RPGRIP1L: variants seen among roughly 807,000 people sequenced by gnomAD.
RPGRIP1L encodes the protein protein fantom.
Under a neutral mutation model 160.4 loss-of-function variants are expected in RPGRIP1L, and 131 were observed. That is an observed-to-expected ratio of 0.82 (90% CI 0.71 to 0.94). The LOEUF (loss-of-function observed/expected upper bound fraction) is 0.94. Ranked by LOEUF, RPGRIP1L falls within the 40% of genes least tolerant of loss-of-function variation. RPGRIP1L has a pLI of 0.00. For missense variants in RPGRIP1L, 1,522 were observed against 1,535.8 expected, an observed-to-expected ratio of 0.99 and a Z score of 0.15; for synonymous variants, 510 against 515.8, an observed-to-expected ratio of 0.99 and a Z score of 0.15.
chr16:53,636,497 G>A lies in RPGRIP1L; in HGVS notation c.3236C>T (p.Ser1079Leu), dbSNP rs777328680. The change falls in exon 22 of 27, where the codon TCA (serine) becomes TTA (leucine). Residue 1079 changes from serine (S) to leucine (L), a missense_variant. Coordinates refer to ENST00000647211, the MANE Select transcript of RPGRIP1L (RefSeq NM_015272.5). ...DLEPEVEEDM[S>L]ASDSDDCIIP... ...AATACAGTCATCACTGTCAGAAGCT[G>A]ACATGTCCTCTTCAACTGTTTAAAA... The A allele has an allele frequency of 6.2e-7, 1 of 1,611,520 alleles. No homozygotes were observed. Among genetic ancestry groups the A allele is most frequent in the East Asian group, 2.2e-5 (1 of 44,742 alleles).
rs750076702 is a variant in RPGRIP1L at position 53,658,475 on chromosome 16, T to C, written c.1351-11A>G. The stretch of plus-strand genomic sequence containing the variant: ...ATTAATATCATTCTCCTGCAATAGA[T>C]TAAGTAAAAGCTCACAATGAGTTAT... On this transcript the variant is annotated splice_polypyrimidine_tract_variant and intron_variant, in intron 11 of 26. Transcript: ENST00000647211. The C allele has an allele frequency of 5.0e-6, 8 of 1,597,522 alleles. No homozygotes were observed. The East Asian group carries it at 1.1e-4, about 22-fold the overall frequency.
At chr16:53,648,143 T>C (rs1394274211) in intron 16 of RPGRIP1L, among the ~76,000 whole-genome samples, 1 of 150,020 alleles carries the variant, frequency 6.7e-6, no homozygotes, top group African/African-American at 2.4e-5. Flanking sequence ...ATGTTATATA[T>C]GAGAACTCCT....
intron 24 of RPGRIP1L, among the ~76,000 whole-genome samples, chr16:53,618,755 C>T (rs1964533146): frequency 6.6e-6 from 1 of 152,024 alleles, no homozygotes; most frequent in African/African-American, 2.4e-5. Context: ...CCGTGTAGCC[C>T]AGGCTGGTCT....
intron 13 of RPGRIP1L, 123 bp from the exon 14 acceptor site, chr16:53,656,712 C>T (rs1967289901): frequency 3.9e-6 from 3 of 759,874 alleles, no homozygotes; most frequent in Admixed American, 1.9e-5. Context: ...ACCATGGTTT[C>T]CTGACCTCAA....
intron 17 of RPGRIP1L, among the ~76,000 whole-genome samples, chr16:53,642,828 A>C (rs1966320384): frequency 6.6e-6 from 1 of 152,156 alleles, no homozygotes. Context: ...GTGGAGCAAA[A>C]TATAGATAAT....
chr16:53,622,164 A>G (rs1964770087), intron 23 of RPGRIP1L, 55 bp downstream of exon 23: 6 of 536,390 alleles, frequency 1.1e-5, no homozygotes, highest in South Asian at 7.3e-5. Context: ...GGAGTTTGAG[A>G]CCAGCATGGC....
intron 15 of RPGRIP1L, among the ~76,000 whole-genome samples, chr16:53,650,442 A>G (rs536934846): frequency 8.0e-4 from 122 of 152,314 alleles, no homozygotes; most frequent in African/African-American, 2.8e-3. Context: ...AGATCTTTCA[A>G]GCTGGGTGTA....
intron 22 of RPGRIP1L, among the ~76,000 whole-genome samples, chr16:53,623,687 C>A (rs1249352069): frequency 1.3e-5 from 2 of 152,136 alleles, no homozygotes; most frequent in African/African-American, 4.8e-5. Flanking sequence ...TTGGTTGTTT[C>A]CTCCTCTGGG....
intron 6 of RPGRIP1L, among the ~76,000 whole-genome samples, chr16:53,680,889 A>C (rs1969556130): frequency 6.6e-6 from 1 of 152,176 alleles, no homozygotes; most frequent in Non-Finnish European, 1.5e-5. Context: ...TGTTGAGAGA[A>C]GAAAACAGGC....
At chr16:53,651,800 G>A (rs1255723820) in intron 15 of RPGRIP1L, among the ~76,000 whole-genome samples, 1 of 151,964 alleles carries the variant, frequency 6.6e-6, no homozygotes, top group Non-Finnish European at 1.5e-5. Context: ...ATTTACCACT[G>A]ACCACCATAT....
chr16:53,625,522 G>C (rs1302048590), intron 22 of RPGRIP1L, among the ~76,000 whole-genome samples: 3 of 148,484 alleles, frequency 2.0e-5, no homozygotes, highest in East Asian at 4.0e-4. Context: ...TAGGGGGTGA[G>C]GGGGGGGCGC....
intron 8 of RPGRIP1L, among the ~76,000 whole-genome samples, 187 bp downstream of exon 8, chr16:53,672,683 G>A (rs1274692978): frequency 6.6e-6 from 1 of 152,120 alleles, no homozygotes; most frequent in Non-Finnish European, 1.5e-5. Context: ...TGCCACATTT[G>A]CAAGTACAGT....
In RPGRIP1L at chr16:53,669,120, G is replaced by T. The variant is rs138024177; in HGVS notation, c.1103+2390C>A. On this transcript the variant is annotated intron_variant, in intron 9 of 26. Coordinates refer to ENST00000647211, the MANE Select transcript of RPGRIP1L (RefSeq NM_015272.5). ...GTGCAGTTTTTGATGAACATTAGTT[G>T]TTGGCAATAACGAATAACAGTGTCA... is the stretch of plus-strand genomic sequence containing the variant. 4.5e-4 allele frequency among the ~76,000 whole-genome samples: 69 copies of T among 152,256 alleles called. 1 individual carries two copies. The East Asian group carries it at 0.011, about 25-fold the overall frequency.
At chr16:53,623,400 AT>A (rs1964869895) in intron 22 of RPGRIP1L, among the ~76,000 whole-genome samples, 1 of 152,196 alleles carries the variant, frequency 6.6e-6, no homozygotes, top group African/African-American at 2.4e-5. Context: ...TGAGGCACTC[AT>A]CTCTAATCTC....
rs764289143 is a variant in RPGRIP1L, at chr16:53,652,591, T to G, written c.2096A>C (p.Lys699Thr). 2.5e-6 allele frequency: 4 copies of G among 1,614,156 alleles called. No individual in the cohort carries two copies. The highest frequency in any genetic ancestry group is 3.4e-6 in the Non-Finnish European group (4 of 1,180,010). The change falls in exon 15 of 27, where the codon AAA becomes ACA. Residue 699 changes from lysine (K) to threonine (T), a missense_variant. By Grantham distance (78) the Lys-to-Thr change is moderately conservative (BLOSUM62 -1). Coordinates refer to ENST00000647211, the MANE Select transcript of RPGRIP1L (RefSeq NM_015272.5). ...EYETIAACQLKFHEILEKSGR... is the reference protein window; with the variant it reads ...EYETIAACQLTFHEILEKSGR... ...GCTTTTTTCAAGAATTTCGTGAAAT[T>G]TTAATTGACATGCTGCAATTGTTTC...
At chr16:53,685,936 A>G (rs1352002197) in intron 6 of RPGRIP1L, among the ~76,000 whole-genome samples, 1 of 152,238 alleles carries the variant, frequency 6.6e-6, no homozygotes, top group Non-Finnish European at 1.5e-5. Context: ...GACTATCTAC[A>G]GGACCAACTG....
At chr16:53,632,837 C>T (rs957087783) in intron 22 of RPGRIP1L, among the ~76,000 whole-genome samples, 1 of 152,154 alleles carries the variant, frequency 6.6e-6, no homozygotes, top group Admixed American at 6.5e-5. Flanking sequence ...TTTACTGACT[C>T]TAGGAAGTCA....
chr16:53,696,359 A>G, intron 2 of RPGRIP1L, 64 bp from the exon 3 acceptor site: 1 of 1,537,458 alleles, frequency 6.5e-7, no homozygotes, highest in Non-Finnish European at 9.0e-7. Flanking sequence ...AACTCTTGAT[A>G]TTAATATAAT....
chr16:53,645,639 T>C lies in RPGRIP1L; in HGVS notation c.2669A>G (p.Asp890Gly), dbSNP rs546732202. The C allele has an allele frequency of 2.2e-5, 35 of 1,613,592 alleles. No homozygotes were observed. The highest frequency in any genetic ancestry group is 2.8e-5 in the Non-Finnish European group (33 of 1,179,934). Residue 890 changes from aspartate (D) to glycine (G), a missense_variant, in exon 17 of 27, where the codon GAC (aspartate) becomes GGC (glycine). By Grantham distance (94) the Asp-to-Gly change is moderately conservative (BLOSUM62 -1). Transcript: ENST00000647211. ...VNVPLISLAH[D>G]RCISGIFELT... ...CATAGGCTTACCTGAGATACACCTG[T>C]CATGTGCCAACGAAATCAGAGGCAC...
Sources: gnomAD v4.1 joint callset for allele counts (sites outside exome capture counted in the v4.1 genomes callset) on GRCh38, gnomAD v4.1.1 for gene constraint, MANE v1.5 for transcripts, NCBI Gene and HGNC (gene_info 2026-07-23, HGNC 2026-07-21) for gene names.